Variants in RANGAP1 observed in about 807,000 individuals in gnomAD.
RANGAP1 encodes the protein Ran GTPase activating protein 1.
In RANGAP1, 38 loss-of-function variants were observed where a neutral mutation model predicts 63.5. That is an observed-to-expected ratio of 0.60 (90% CI 0.46 to 0.78). The LOEUF (loss-of-function observed/expected upper bound fraction) is 0.78, where lower values mean the gene tolerates loss of function less well. Ranked by LOEUF, RANGAP1 falls within the 30% of genes least tolerant of loss-of-function variation. RANGAP1 has a pLI of 0.00. For synonymous variants in RANGAP1, 329 were observed against 310.5 expected (o/e 1.06, Z -0.63); for missense variants, 630 against 740.3 (o/e 0.85, Z 1.73).
intron 3 of RANGAP1, among the ~76,000 whole-genome samples, chr22:41,269,513 T>C (rs1315682407): frequency 6.6e-6 from 1 of 151,484 alleles, no homozygotes; most frequent in Non-Finnish European, 1.5e-5. Flanking sequence ...GACAGGCAGA[T>C]CACCTGAGGT....
chr22:41,286,165 C>T lies in RANGAP1; in HGVS notation c.-218G>A, dbSNP rs1436506085. 6.6e-6 allele frequency: 1 copy of T among 152,392 alleles called. No individual in the cohort carries two copies. Among genetic ancestry groups the T allele is most frequent in the African/African-American group, 2.4e-5 (1 of 41,482 alleles). The allele number at this position is 152,392 out of a possible 1,614,324, so 9.4% of individuals were successfully genotyped here. A position where few individuals can be genotyped will look rare whatever the true frequency, so the allele number is the denominator to read the frequency against. ...CTCCCGGCCTCACGCGCTTCCAGCA[C>T]CACCTGCTCTCCGCACCGCGGCGGA... On this transcript the variant is annotated 5_prime_UTR_variant, in exon 1 of 16. The change creates a new upstream start codon in the 5' untranslated region. Transcript: ENST00000356244.
At chr22:41,295,727 C>T in the RANGAP1 span, among the ~76,000 whole-genome samples, 1 of 149,712 alleles carries the variant, frequency 6.7e-6, no homozygotes, top group African/African-American at 2.5e-5. Context: ...GAAAAATCTA[C>T]TTCTGGAGAA....
intron 1 of RANGAP1, among the ~76,000 whole-genome samples, chr22:41,283,438 GGCGGAGGTT>G (rs1456535980): frequency 6.6e-6 from 1 of 152,158 alleles, no homozygotes; most frequent in Non-Finnish European, 1.5e-5. Flanking sequence ...GAACCCGGGA[GGCGGAGGTT>G]GCAGTGAGCC....
chr22:41,254,933 C>CT (rs778605201), intron 10 of RANGAP1, among the ~76,000 whole-genome samples: 7 of 151,174 alleles, frequency 4.6e-5, no homozygotes, highest in African/African-American at 7.3e-5. Context: ...AATTGTGCCA[C>CT]TGCACTCTAG....
chr22:41,270,009 A>T (rs1488869053), intron 3 of RANGAP1, among the ~76,000 whole-genome samples: 2 of 147,350 alleles, frequency 1.4e-5, no homozygotes, highest in Non-Finnish European at 3.0e-5. Context: ...AATTTTTTGT[A>T]TTTTTAGTGG....
intron 2 of RANGAP1, among the ~76,000 whole-genome samples, chr22:41,276,084 T>G (rs2035125639): frequency 6.6e-6 from 1 of 152,180 alleles, no homozygotes; most frequent in African/African-American, 2.4e-5. Context: ...GAAAAATCTG[T>G]TATAGCAATA....
chr22:41,300,033 G>A, the RANGAP1 span, among the ~76,000 whole-genome samples: 1 of 152,048 alleles, frequency 6.6e-6, no homozygotes, highest in African/African-American at 2.4e-5. Context: ...TTATAGGCGT[G>A]AGCTACCGCG....
At position 41,285,467 on chromosome 22, in the gene RANGAP1, T is replaced by G. The variant is rs1015796263; in HGVS notation, c.-39+519A>C. The G allele has an allele frequency of 2.3e-5, 23 of 979,120 alleles. No individual in the cohort carries two copies. The African/African-American group carries it at 3.8e-4, about 16-fold the overall frequency. 60.7% of individuals were successfully genotyped at this position (979,120 alleles called of 1,614,324 possible). A position where few individuals can be genotyped will look rare whatever the true frequency, so the allele number is the denominator to read the frequency against. ...GCAAAGGGCTAATAGAGAAACATCCTCTCCCCGCTCCGCAGCAACGTCAGA... is the reference window on the plus strand; with the variant it reads ...GCAAAGGGCTAATAGAGAAACATCCGCTCCCCGCTCCGCAGCAACGTCAGA... On this transcript the variant is annotated intron_variant, in intron 1 of 15. Transcript: ENST00000356244.
At chr22:41,284,365 C>T (rs558240576) in intron 1 of RANGAP1, among the ~76,000 whole-genome samples, 22 of 151,442 alleles carry the variant, frequency 1.5e-4, no homozygotes, top group African/African-American at 5.3e-4. Context: ...GTCGGGAGTT[C>T]GAGACCACCC....
At position 41,264,795 on chromosome 22, in the gene RANGAP1, G is replaced by T. The variant is rs760745803; in HGVS notation, c.349C>A (p.Leu117Met). 6.2e-7 allele frequency: 1 copy of T among 1,613,654 alleles called. No individual in the cohort carries two copies. Among genetic ancestry groups the T allele is most frequent in the Non-Finnish European group, 8.5e-7 (1 of 1,179,562 alleles). The change falls in exon 5 of 16, where the codon CTG becomes ATG. Residue 117 changes from leucine to methionine, a missense_variant. Leu to Met is a conservative substitution (Grantham distance 15). This residue lies in a region of RANGAP1 where 137 missense variants were observed against 214.3 expected (regional missense o/e 0.64). Transcript: ENST00000356244. Reference protein sequence around the residue: ...LITAGAQLVELDLSDNAFGPD... With the variant: ...LITAGAQLVEMDLSDNAFGPD... ...CCGAATGCGTTGTCGCTTAAGTCCA[G>T]CTCCACCAGCTGAGCCCCAGCTGTG...
intron 3 of RANGAP1, among the ~76,000 whole-genome samples, chr22:41,271,016 C>T (rs954613727): frequency 6.6e-6 from 1 of 152,160 alleles, no homozygotes; most frequent in Admixed American, 6.5e-5. Context: ...CATCACTCCC[C>T]CTCTCCAGCC....
chr22:41,275,781 GAA>G (rs71200679), intron 2 of RANGAP1, among the ~76,000 whole-genome samples: 1 of 139,986 alleles, frequency 7.1e-6, no homozygotes, highest in Non-Finnish European at 1.5e-5. Context: ...TCTGTCTCAA[GAA>G]AAAAAAAAAA....
intron 3 of RANGAP1, 133 bp from the exon 4 acceptor site, chr22:41,268,289 CTT>C (rs1601661776): frequency 5.3e-6 from 4 of 753,832 alleles, no homozygotes; most frequent in East Asian, 5.5e-5. Context: ...GAGTTTCGCT[CTT>C]GTTGCCCAGG....
At chr22:41,246,922 G>C (rs1196033412) in intron 15 of RANGAP1, among the ~76,000 whole-genome samples, 1 of 152,262 alleles carries the variant, frequency 6.6e-6, no homozygotes, top group East Asian at 1.9e-4. Flanking sequence ...GGCTCTCCAA[G>C]GGCCCTTCCA....
chr22:41,258,129 G>A (rs551300813), intron 6 of RANGAP1, 23 bp from the exon 7 acceptor site: 2 of 1,575,524 alleles, frequency 1.3e-6, no homozygotes, highest in Admixed American at 1.8e-5. Context: ...GGCAGAGAGT[G>A]GAGGGGGCCC....
intron 2 of RANGAP1, chr22:41,280,657 C>G (rs1348678102): frequency 7.3e-7 from 1 of 1,369,374 alleles, no homozygotes; most frequent in East Asian, 3.7e-5. Context: ...GGGACTGGCA[C>G]TAACTGTGGC....
chr22:41,273,363 C>T (rs528359009), intron 3 of RANGAP1, among the ~76,000 whole-genome samples: 1 of 152,192 alleles, frequency 6.6e-6, no homozygotes, highest in Admixed American at 6.5e-5. Context: ...TCTCACAGAG[C>T]GTATCAGAAG....
the RANGAP1 span, among the ~76,000 whole-genome samples, chr22:41,293,949 C>T: frequency 6.6e-6 from 1 of 151,950 alleles, no homozygotes; most frequent in African/African-American, 2.4e-5. Context: ...AGGCATGAGC[C>T]ACCGTGCCTG....
intron 15 of RANGAP1, among the ~76,000 whole-genome samples, chr22:41,248,890 GGT>G (rs2033235938): frequency 6.6e-6 from 1 of 152,226 alleles, no homozygotes; most frequent in Admixed American, 6.5e-5. Context: ...TGCAGAGCCT[GGT>G]GTGACCAGGC....
Sources: gnomAD v4.1 joint callset for allele counts (sites outside exome capture counted in the v4.1 genomes callset) on GRCh38, gnomAD v4.1.1 for gene constraint, gnomAD v4.1.1 regional missense constraint, MANE v1.5 for transcripts, NCBI Gene and HGNC (gene_info 2026-07-23, HGNC 2026-07-21) for gene names.